The following SPINK5 variants were observed in gnomAD, a reference collection of about 807,000 sequenced individuals.
The protein encoded by SPINK5 is serine protease inhibitor Kazal-type 5.
Under a neutral mutation model 151.8 loss-of-function variants are expected in SPINK5, and 125 were observed. That is an observed-to-expected ratio of 0.82 (90% confidence interval 0.71 to 0.96). The LOEUF (loss-of-function observed/expected upper bound fraction) is 0.96, where lower values mean the gene tolerates loss of function less well. SPINK5 is among the 40% of genes least tolerant of loss of function. SPINK5 has a pLI of 0.00. For missense variants in SPINK5, 1,194 were observed against 1,291.9 expected (o/e 0.92, Z 1.16); for synonymous variants, 374 against 395.3 (o/e 0.95, Z 0.64).
chr5:148,108,733 A>G lies in SPINK5; in HGVS notation c.1608-20A>G, dbSNP rs1164481682. ...GAGTAGGGAATCATATTCAGCCTATATCTTCTTTTTCTATTACAGCAAACT... is the reference window on the plus strand; with the variant it reads ...GAGTAGGGAATCATATTCAGCCTATGTCTTCTTTTTCTATTACAGCAAACT... On this transcript the variant is annotated intron_variant, in intron 17 of 32. Coordinates refer to ENST00000256084, the MANE Select transcript of SPINK5 (RefSeq NM_006846.4). The G allele has an allele frequency of 1.2e-6, 2 of 1,608,682 alleles. No homozygotes were observed. Among genetic ancestry groups the G allele is most frequent in the Non-Finnish European group, 1.7e-6 (2 of 1,176,602 alleles).
intron 20 of SPINK5, among the ~76,000 whole-genome samples, chr5:148,113,600 A>C (rs1332864672): frequency 6.6e-6 from 1 of 152,206 alleles, no homozygotes; most frequent in Admixed American, 6.5e-5. Flanking sequence ...GCTGGCTCCA[A>C]GTAGTTTATT....
intron 2 of SPINK5, 34 bp from the exon 3 acceptor site, chr5:148,070,289 T>A (rs1183376907): frequency 1.9e-6 from 3 of 1,609,982 alleles, no homozygotes; most frequent in African/African-American, 1.3e-5. Flanking sequence ...TTGATGTACT[T>A]TTAGCTAACA....
At position 148,072,202 on chromosome 5, in the gene SPINK5, G is replaced by A. The variant is rs1169367805; in HGVS notation, c.264G>A (p.Lys88=). The A allele has an allele frequency of 6.2e-7, 1 of 1,612,256 alleles. No individual in the cohort carries two copies. Among genetic ancestry groups the A allele is most frequent in the South Asian group, 1.1e-5 (1 of 91,056 alleles). ...CCAGGCATTTAGCAAGAGCTCCCAAGGCTACTGCCCCAACAGAGGTGAGAC... is the reference window on the plus strand; with the variant it reads ...CCAGGCATTTAGCAAGAGCTCCCAAAGCTACTGCCCCAACAGAGGTGAGAC... ...KRARHLARAP[K]ATAPTELNCD... Residue 88 remains lysine, a synonymous_variant, in exon 4 of 33, where the codon AAG becomes AAA. Transcript: ENST00000256084.
intron 31 of SPINK5, 73 bp from the exon 32 acceptor site, chr5:148,133,724 G>C: frequency 6.7e-7 from 1 of 1,483,280 alleles, no homozygotes; most frequent in Non-Finnish European, 9.4e-7. Flanking sequence ...TGTCCTGCAT[G>C]TTGGTCCTTA....
chr5:148,077,957 A>G (rs1478381843), intron 4 of SPINK5, among the ~76,000 whole-genome samples: 2 of 151,192 alleles, frequency 1.3e-5, no homozygotes, highest in Non-Finnish European at 3.0e-5. Context: ...TGTAAATACA[A>G]CCATAAAAGT....
intron 10 of SPINK5, among the ~76,000 whole-genome samples, chr5:148,096,548 T>C (rs1753466530): frequency 6.6e-6 from 1 of 151,962 alleles, no homozygotes; most frequent in South Asian, 2.1e-4. Context: ...AAAATTCCAA[T>C]GTTTGAAGAT....
chr5:148,134,026 AT>A (rs2113241544), intron 32 of SPINK5, 139 bp downstream of exon 32: 2 of 776,436 alleles, frequency 2.6e-6, no homozygotes, highest in East Asian at 2.6e-5. Flanking sequence ...AATTGGTCAC[AT>A]TTTCACTATA....
In SPINK5 at chr5:148,064,965, T is replaced by C. The variant is rs549799323; in HGVS notation, c.56-382T>C. On this transcript the variant is annotated intron_variant, in intron 1 of 32. Transcript: ENST00000256084. Reference sequence around the variant, plus strand: ...TGCTATATTATAGTTTCAACTATAATATAGTTTCAAAATTATAATTGGTAT... The same window carrying C: ...TGCTATATTATAGTTTCAACTATAACATAGTTTCAAAATTATAATTGGTAT... Among the ~76,000 whole-genome samples, 23 of 152,166 alleles carry C rather than the reference T, an allele frequency of 1.5e-4. 1 individual carries two copies. The highest frequency in any genetic ancestry group is 1.5e-3 in the Admixed American group (23 of 15,274).
intron 4 of SPINK5, among the ~76,000 whole-genome samples, chr5:148,077,706 A>G (rs935041159): frequency 4.0e-5 from 6 of 148,928 alleles, no homozygotes; most frequent in African/African-American, 1.5e-4. Context: ...AGCTTTATTA[A>G]GGCAAAGTTT....
At chr5:148,104,902 G>GA (rs34473560) in intron 15 of SPINK5, 50 bp from the exon 16 acceptor site, 4,083 of 1,405,272 alleles carry the variant, frequency 2.9e-3, no homozygotes, top group East Asian at 3.4e-3. Context: ...TCTCAAAAAA[G>GA]AAAAAAAAAA....
At chr5:148,074,498 G>T (rs970917889) in intron 4 of SPINK5, among the ~76,000 whole-genome samples, 3 of 150,718 alleles carry the variant, frequency 2.0e-5, no homozygotes, top group Non-Finnish European at 4.4e-5. Context: ...AAGTTCACAC[G>T]AGTCTGTGTG....
chr5:148,106,449 G>A (rs1326461139), intron 16 of SPINK5, among the ~76,000 whole-genome samples: 3 of 151,914 alleles, frequency 2.0e-5, no homozygotes, highest in African/African-American at 7.3e-5. Flanking sequence ...AGCCTCCCAA[G>A]TAGCTGGGAC....
chr5:148,065,959 G>A (rs1427059961), intron 2 of SPINK5, among the ~76,000 whole-genome samples: 1 of 152,048 alleles, frequency 6.6e-6, no homozygotes, highest in South Asian at 2.1e-4. Flanking sequence ...AAAACATATG[G>A]TACGTTAAAT....
intron 31 of SPINK5, 54 bp downstream of exon 31, chr5:148,131,443 A>C (rs954019696): frequency 2.0e-5 from 32 of 1,609,996 alleles, no homozygotes; most frequent in African/African-American, 2.7e-5. Context: ...TCTCAGCTAG[A>C]GTGTTAACCC....
rs760194192 is a variant in SPINK5 at position 148,086,549 on chromosome 5, G to A, written c.410+17G>A. 4.3e-6 allele frequency: 7 copies of A among 1,609,688 alleles called. No homozygotes were observed. In the Admixed American group the frequency reaches 8.4e-5, roughly 19 times the overall value. ...TGAGAATGCGTGAGTATTCTCTGAA[G>A]TAGGCTTTCTCCCTAAAACGTGTTC... On this transcript the variant is annotated intron_variant, in intron 5 of 32. Transcript: ENST00000256084.
chr5:148,078,878 G>A (rs1752951115), intron 4 of SPINK5, among the ~76,000 whole-genome samples: 1 of 150,368 alleles, frequency 6.7e-6, no homozygotes, highest in Non-Finnish European at 1.5e-5. Context: ...ACAAAGTTTA[G>A]CAAACTAAAC....
At position 148,116,426 on chromosome 5, in the gene SPINK5, C is replaced by T. The variant is rs201433344; in HGVS notation, c.2072C>T (p.Ala691Val). ...RKEEEDQRNAAGHGSSGGGGG... is the reference protein window; with the variant it reads ...RKEEEDQRNAVGHGSSGGGGG... ...GAAGAGGAAGATCAGAGAAATGCTG[C>T]AGGACATGGTTCCAGTGGTGGTGGA... The change falls in exon 22 of 33, where the codon GCA (alanine) becomes GTA (valine). Residue 691 changes from alanine to valine, a missense_variant. Physicochemically the swap from Ala to Val is moderately conservative, Grantham distance 64. Coordinates refer to ENST00000256084, the MANE Select transcript of SPINK5 (RefSeq NM_006846.4). 1.0e-4 allele frequency: 165 copies of T among 1,614,084 alleles called. No homozygotes were observed. The highest frequency in any genetic ancestry group is 3.3e-4 in the Middle Eastern group (2 of 6,060).
At chr5:148,096,692 C>A (rs937315230) in intron 10 of SPINK5, among the ~76,000 whole-genome samples, 1 of 151,652 alleles carries the variant, frequency 6.6e-6, no homozygotes, top group African/African-American at 2.4e-5. Flanking sequence ...CCACCCTCTG[C>A]CAGTATAACT....
chr5:148,133,740 T>C, intron 31 of SPINK5, 57 bp from the exon 32 acceptor site: 1 of 1,571,836 alleles, frequency 6.4e-7, no homozygotes, highest in East Asian at 2.2e-5. Context: ...CCTTATTTAT[T>C]TTCTTATTAT....
Sources: gnomAD v4.1 joint callset for allele counts (sites outside exome capture counted in the v4.1 genomes callset) on GRCh38, gnomAD v4.1.1 for gene constraint, MANE v1.5 for transcripts, NCBI Gene and HGNC (gene_info 2026-07-23, HGNC 2026-07-21) for gene names.